ARID5B: variants seen among roughly 807,000 people sequenced by gnomAD.
ARID5B encodes AT-rich interactive domain-containing protein 5B.
ARID5B carries 13 observed loss-of-function variants against 97.2 expected under a neutral mutation model. That is an observed-to-expected ratio of 0.13 (90% CI 0.09 to 0.21). The LOEUF (loss-of-function observed/expected upper bound fraction) is 0.21, where lower values mean the gene tolerates loss of function less well. Among genes scored for constraint, ARID5B ranks in the 10% least tolerant of loss-of-function variants. The pLI, the probability that ARID5B is intolerant of heterozygous loss-of-function variation, is 1.00. For missense variants in ARID5B, 1,210 were observed against 1,465.3 expected (o/e 0.83, Z 2.84); for synonymous variants, 556 against 570.3 (o/e 0.97, Z 0.36).
intron 3 of ARID5B, among the ~76,000 whole-genome samples, chr10:61,995,792 T>C (rs1275968011): frequency 2.0e-5 from 3 of 152,206 alleles, no homozygotes; most frequent in African/African-American, 7.2e-5. Context: ...TACTTTTCAC[T>C]TAGAATGCTT....
At chr10:61,949,009 G>A (rs1035211382) in intron 3 of ARID5B, among the ~76,000 whole-genome samples, 4 of 152,104 alleles carry the variant, frequency 2.6e-5, no homozygotes, top group African/African-American at 4.8e-5. Context: ...AATGAACATC[G>A]TTGTTAATAT....
In ARID5B at chr10:62,093,061, A is replaced by C. The variant is rs750461069; in HGVS notation, c.*31A>C. The C allele has an allele frequency of 2.5e-6, 4 of 1,573,650 alleles. No individual in the cohort carries two copies. Among genetic ancestry groups the C allele is most frequent in the Non-Finnish European group, 3.4e-6 (4 of 1,165,898 alleles). On this transcript the variant is annotated 3_prime_UTR_variant, in exon 10 of 10. Coordinates refer to ENST00000279873, the MANE Select transcript of ARID5B (RefSeq NM_032199.3). ...GCTCTGCCCAGCAGTCCAAAGCGGC[A>C]TGGCCAACAGAGCTTCACTCCTTAC...
In ARID5B at chr10:62,072,365, C is replaced by A. The variant is rs558080868; in HGVS notation, c.1199+2568C>A. Among the ~76,000 whole-genome samples the A allele has an allele frequency of 2.7e-4, 41 of 152,344 alleles. 2 individuals carry two copies. The South Asian group carries it at 7.5e-3, about 28-fold the overall frequency. On this transcript the variant is annotated intron_variant, in intron 8 of 9. Transcript: ENST00000279873. ...AACAAGTGAAATGGAAAGGAGATTCCTTTTCTCTCCCTGCCTCCCAGGACA... is the reference window on the plus strand; with the variant it reads ...AACAAGTGAAATGGAAAGGAGATTCATTTTCTCTCCCTGCCTCCCAGGACA...
At chr10:61,948,400 T>TTTTTTTTTG (rs60287429) in intron 3 of ARID5B, among the ~76,000 whole-genome samples, 1 of 147,672 alleles carries the variant, frequency 6.8e-6, no homozygotes, top group African/African-American at 2.5e-5. Context: ...TTTTTTTTTT[T>TTTTTTTTTG]GAGATGGAGT....
In ARID5B at chr10:61,963,468, T is replaced by A. The variant is rs1460019198; in HGVS notation, c.502+23060T>A. 6.6e-5 allele frequency among the ~76,000 whole-genome samples: 10 copies of A among 152,132 alleles called. No homozygotes were observed. The South Asian group carries it at 1.5e-3, about 22-fold the overall frequency. On this transcript the variant is annotated intron_variant, in intron 3 of 9. Transcript: ENST00000279873. ...GCTCATAGCCACAGGAAGAGCGGCA[T>A]GTCCCTGGGGCAGTGAGAGCGAGAC...
At chr10:61,965,318 T>C (rs571979530) in intron 3 of ARID5B, among the ~76,000 whole-genome samples, 6 of 152,224 alleles carry the variant, frequency 3.9e-5, no homozygotes, top group South Asian at 2.1e-4. Flanking sequence ...AATTTTTCCA[T>C]GTTCATTTTT....
At chr10:62,086,545 CA>C (rs1840282973) in intron 9 of ARID5B, among the ~76,000 whole-genome samples, 1 of 151,684 alleles carries the variant, frequency 6.6e-6, no homozygotes, top group Non-Finnish European at 1.5e-5. Flanking sequence ...ACTAAAAATA[CA>C]AAAAATTAGC....
intron 8 of ARID5B, among the ~76,000 whole-genome samples, chr10:62,083,622 G>T (rs962481216): frequency 7.9e-5 from 12 of 152,194 alleles, no homozygotes; most frequent in African/African-American, 2.9e-4. Flanking sequence ...CCAGCAAATT[G>T]CTATCATTGG....
intron 3 of ARID5B, among the ~76,000 whole-genome samples, chr10:61,953,153 G>A (rs1589232965): frequency 6.6e-6 from 1 of 151,990 alleles, no homozygotes; most frequent in African/African-American, 2.4e-5. Context: ...TGCTAATTAT[G>A]GTGGAAGATA....
chr10:62,095,797 G>A lies in ARID5B; in HGVS notation c.*2767G>A, dbSNP rs1457082692. 1 of 231,166 alleles carries A rather than the reference G, an allele frequency of 4.3e-6. No homozygotes were observed. The highest frequency in any genetic ancestry group is 8.6e-6 in the Non-Finnish European group (1 of 116,566). 14.3% of individuals were successfully genotyped at this position (231,166 alleles called of 1,614,324 possible). The stretch of plus-strand genomic sequence containing the variant: ...GTTCAAGGGGCCTTATTATTGAATG[G>A]AATTGCACAAGCCTTTCTTTGTGCA... On this transcript the variant is annotated 3_prime_UTR_variant, in exon 10 of 10. Coordinates refer to ENST00000279873, the MANE Select transcript of ARID5B (RefSeq NM_032199.3).
intron 3 of ARID5B, among the ~76,000 whole-genome samples, chr10:61,963,056 T>C (rs1451639326): frequency 1.3e-5 from 2 of 149,334 alleles, no homozygotes. Context: ...ACTCTACCAA[T>C]GGACTCAACT....
In ARID5B at chr10:62,015,866, G is replaced by C. The variant is rs569017753; in HGVS notation, c.733+15545G>C. On this transcript the variant is annotated intron_variant, in intron 4 of 9. Coordinates refer to ENST00000279873, the MANE Select transcript of ARID5B (RefSeq NM_032199.3). ...CTTGAACTCCGACCTCAGGTGATCC[G>C]CCCACCTTGGCCTCCCAAAGTGCTG... Among the ~76,000 whole-genome samples, 69 of 152,162 alleles carry C rather than the reference G, an allele frequency of 4.5e-4. No homozygotes were observed. The South Asian group carries it at 0.014, about 30-fold the overall frequency.
intron 4 of ARID5B, chr10:62,049,340 G>C: frequency 6.5e-7 from 1 of 1,528,614 alleles, no homozygotes; most frequent in South Asian, 1.2e-5. Context: ...TAAGCAGAGC[G>C]CTGAGCCTCG....
chr10:61,932,038 CA>C (rs1844218997), intron 2 of ARID5B, among the ~76,000 whole-genome samples: 1 of 152,134 alleles, frequency 6.6e-6, no homozygotes, highest in Non-Finnish European at 1.5e-5. Flanking sequence ...TGGGTTCACA[CA>C]AAAACCTGTG....
At chr10:62,010,949 T>G (rs1453967008) in intron 4 of ARID5B, among the ~76,000 whole-genome samples, 2 of 152,180 alleles carry the variant, frequency 1.3e-5, no homozygotes, top group African/African-American at 4.8e-5. Context: ...GAATATAATA[T>G]AGATCACAGT....
At chr10:61,938,731 T>C (rs1348969892) in intron 2 of ARID5B, among the ~76,000 whole-genome samples, 1 of 152,182 alleles carries the variant, frequency 6.6e-6, no homozygotes, top group Non-Finnish European at 1.5e-5. Flanking sequence ...TATTTAATCA[T>C]GATAAGGGAA....
intron 4 of ARID5B, chr10:62,049,570 T>G: frequency 6.6e-7 from 1 of 1,521,298 alleles, no homozygotes; most frequent in East Asian, 2.5e-5. Flanking sequence ...GGATGGACTT[T>G]CAGACCAGCG....
intron 3 of ARID5B, among the ~76,000 whole-genome samples, chr10:61,942,564 G>A (rs1043720720): frequency 3.9e-5 from 6 of 152,202 alleles, no homozygotes; most frequent in African/African-American, 1.4e-4. Flanking sequence ...GGCCGAGGCA[G>A]GTGGATCACC....
intron 3 of ARID5B, among the ~76,000 whole-genome samples, chr10:61,970,679 C>T (rs1257755416): frequency 6.6e-6 from 1 of 152,096 alleles, no homozygotes; most frequent in Non-Finnish European, 1.5e-5. Context: ...TTAGGTCTTC[C>T]AGTTTGAAAA....
Sources: allele counts gnomAD v4.1 joint callset (sites outside exome capture counted in the v4.1 genomes callset), GRCh38; gene constraint gnomAD v4.1.1; transcripts MANE v1.5; gene names NCBI Gene and HGNC (gene_info 2026-07-23, HGNC 2026-07-21).